The following TERF2 variants were observed in gnomAD, a reference collection of about 807,000 sequenced individuals.
TERF2 encodes telomeric repeat binding factor 2.
A neutral mutation model predicts 56.1 loss-of-function variants in TERF2; 16 were observed. The observed-to-expected ratio is 0.29, with a 90% confidence interval of 0.19 to 0.43. The LOEUF (loss-of-function observed/expected upper bound fraction) is 0.43, where lower values mean the gene tolerates loss of function less well. Ranked by LOEUF, TERF2 falls within the 20% of genes least tolerant of loss-of-function variation. TERF2 has a pLI of 1.00. For missense variants in TERF2, 547 were observed against 712.9 expected (o/e 0.77, Z 2.65); for synonymous variants, 296 against 282.1 (o/e 1.05, Z -0.50).
chr16:69,384,150 A>T (rs1486290548), intron 3 of TERF2, among the ~76,000 whole-genome samples: 2 of 152,204 alleles, frequency 1.3e-5, no homozygotes, highest in Non-Finnish European at 2.9e-5. Context: ...TCTGTTCAAA[A>T]GGGATATTCT....
At chr16:69,361,241 A>G in intron 8 of TERF2, 163 bp downstream of exon 8, 1 of 616,338 alleles carries the variant, frequency 1.6e-6, no homozygotes, top group South Asian at 2.0e-5. Flanking sequence ...GAAAAAGGAA[A>G]AAAAAAAAAA....
intron 5 of TERF2, 191 bp downstream of exon 5, chr16:69,370,292 A>C: frequency 1.4e-6 from 1 of 723,138 alleles, no homozygotes; most frequent in Non-Finnish European, 2.1e-6. Context: ...GGGCCTCCCA[A>C]AGTGCTGGGA....
chr16:69,364,394 G>A (rs1017983832), intron 7 of TERF2, among the ~76,000 whole-genome samples: 7 of 152,138 alleles, frequency 4.6e-5, no homozygotes, highest in Non-Finnish European at 8.8e-5. Context: ...AGATTAAAGG[G>A]CATTCTCCTG....
At chr16:69,376,342 A>G (rs1047858464) in intron 3 of TERF2, among the ~76,000 whole-genome samples, 11 of 152,196 alleles carry the variant, frequency 7.2e-5, no homozygotes, top group African/African-American at 2.2e-4. Flanking sequence ...ATCTTTGTCA[A>G]AAATCAATCA....
rs534282223 is a variant in TERF2 at position 69,367,302 on chromosome 16, G to A, written c.948-103C>T. 76 of 1,283,450 alleles carry A rather than the reference G, an allele frequency of 5.9e-5. 1 individual carries two copies. In the South Asian group the frequency reaches 1.1e-3, roughly 19 times the overall value. 79.5% of individuals were successfully genotyped at this position (1,283,450 alleles called of 1,614,324 possible). On this transcript the variant is annotated intron_variant, in intron 6 of 9. Transcript: ENST00000254942. Reference sequence around the variant, plus strand: ...TTTGAAGCTTCAAATTCCAGTTGAGGAGGCTTTAAATGTGATATGTAAGTT... The same window carrying A: ...TTTGAAGCTTCAAATTCCAGTTGAGAAGGCTTTAAATGTGATATGTAAGTT...
chr16:69,372,280 G>A lies in TERF2; in HGVS notation c.682C>T (p.Pro228Ser). ...TGTATCAAATTTACCTGAGTTGTGGGGTCCTTGGACATATGTTTTTTCAAA... is the reference window on the plus strand; with the variant it reads ...TGTATCAAATTTACCTGAGTTGTGGAGTCCTTGGACATATGTTTTTTCAAA... Reference protein sequence around the residue: ...KILKKHMSKDPTTQKLRNDLL... With the variant: ...KILKKHMSKDSTTQKLRNDLL... The change falls in exon 4 of 10, where the codon CCC becomes TCC. Residue 228 changes from proline (P) to serine (S), a missense_variant. Pro to Ser is a moderately conservative substitution (Grantham distance 74, BLOSUM62 -1). This residue lies in a region of TERF2 where 97 missense variants were observed against 157.0 expected (regional missense o/e 0.62). Coordinates refer to ENST00000254942, the MANE Select transcript of TERF2 (RefSeq NM_005652.5). 1.9e-6 allele frequency: 3 copies of A among 1,606,132 alleles called. No homozygotes were observed. The highest frequency in any genetic ancestry group is 2.5e-6 in the Non-Finnish European group (3 of 1,176,924).
chr16:69,381,085 G>A (rs1464040435), intron 3 of TERF2, among the ~76,000 whole-genome samples: 3 of 152,078 alleles, frequency 2.0e-5, no homozygotes, highest in Non-Finnish European at 4.4e-5. Flanking sequence ...GATTACAGGC[G>A]TGAGCCACCG....
chr16:69,364,785 T>C (rs918505353), intron 7 of TERF2, among the ~76,000 whole-genome samples: 1 of 152,210 alleles, frequency 6.6e-6, no homozygotes, highest in Non-Finnish European at 1.5e-5. Flanking sequence ...GCTCAGCTTT[T>C]CTTCCCATAA....
chr16:69,372,216 A>G (rs374240783), intron 4 of TERF2, 53 bp downstream of exon 4: 8 of 1,339,118 alleles, frequency 6.0e-6, no homozygotes, highest in Non-Finnish European at 8.4e-6. Flanking sequence ...ATTTCCCCAC[A>G]AAAAGCAATG....
intron 3 of TERF2, 74 bp downstream of exon 3, chr16:69,384,506 A>T: frequency 6.6e-7 from 1 of 1,508,018 alleles, no homozygotes; most frequent in Non-Finnish European, 8.9e-7. Context: ...CCCACACAGT[A>T]AAGAGTAAGT....
At chr16:69,369,125 T>TCTGTA (rs758873262) in intron 5 of TERF2, among the ~76,000 whole-genome samples, 1 of 148,382 alleles carries the variant, frequency 6.7e-6, no homozygotes, top group African/African-American at 2.5e-5. Context: ...CTTTGTGTTA[T>TCTGTA]ATAGATAAGG....
rs1410195292 is a variant in TERF2 at position 69,366,830 on chromosome 16, G to A, written c.1317C>T (p.Pro439=). The A allele has an allele frequency of 6.2e-7, 1 of 1,613,118 alleles. No homozygotes were observed. Among genetic ancestry groups the A allele is most frequent in the Non-Finnish European group, 8.5e-7 (1 of 1,179,592 alleles). The change falls in exon 7 of 10, where the codon CCC becomes CCT. Residue 439 remains proline, a synonymous_variant. Transcript: ENST00000254942. The stretch of plus-strand genomic sequence containing the variant: ...ACTTGGGATTCTTCTCTCCAGGGAG[G>A]GGTTGGTTGAGAACGGTGGGCTTGG... ...PPSKPTVLNQ[P]LPGEKNPKVP...
intron 3 of TERF2, among the ~76,000 whole-genome samples, chr16:69,382,487 G>A (rs2014040542): frequency 1.3e-5 from 2 of 152,182 alleles, no homozygotes; most frequent in African/African-American, 4.8e-5. Context: ...CACCTCTTGC[G>A]GAGTCCCATT....
chr16:69,362,415 C>G (rs936323105), intron 7 of TERF2, among the ~76,000 whole-genome samples: 1 of 152,148 alleles, frequency 6.6e-6, no homozygotes, highest in African/African-American at 2.4e-5. Flanking sequence ...AGGACCGCCT[C>G]GAAGGCGGGG....
At chr16:69,367,328 G>C (rs1416655126) in intron 6 of TERF2, 129 bp from the exon 7 acceptor site, 3 of 979,544 alleles carry the variant, frequency 3.1e-6, no homozygotes, top group East Asian at 5.1e-5. Flanking sequence ...TATGTAAGTT[G>C]TATTATGAAT....
chr16:69,375,270 G>C (rs76864186), intron 3 of TERF2, among the ~76,000 whole-genome samples: 3,742 of 152,288 alleles, frequency 0.025, 159 homozygotes, highest in African/African-American at 0.085. Context: ...AAATACCCAA[G>C]AATAGGATTG....
At chr16:69,381,887 T>A (rs192950785) in intron 3 of TERF2, among the ~76,000 whole-genome samples, 73 of 152,328 alleles carry the variant, frequency 4.8e-4, no homozygotes, top group Non-Finnish European at 8.2e-4. Flanking sequence ...ACATTCTTTT[T>A]TAAATTTTTT....
intron 7 of TERF2, among the ~76,000 whole-genome samples, chr16:69,364,046 A>C (rs945143756): frequency 2.0e-5 from 3 of 152,352 alleles, no homozygotes; most frequent in Middle Eastern, 3.4e-3. Flanking sequence ...CATGTGGCCC[A>C]AAATGCCTAA....
chr16:69,356,986 G>A lies in TERF2; in HGVS notation c.1541C>T (p.Ala514Val). ...AACAAATGGGTAATTTTTAGAAATG[G>A]CAGCCCAGTTTCCTTCCCCATATTT... is the stretch of plus-strand genomic sequence containing the variant. ...VQKYGEGNWA[A>V]ISKNYPFVNR... is the part of the protein sequence containing the mutation. The change falls in exon 10 of 10, where the codon GCC (alanine) becomes GTC (valine). Residue 514 changes from alanine (A) to valine (V), a missense_variant. This residue lies in a region of TERF2 where 33 missense variants were observed against 69.9 expected (regional missense o/e 0.47). Coordinates refer to ENST00000254942, the MANE Select transcript of TERF2 (RefSeq NM_005652.5). The A allele has an allele frequency of 7.4e-6, 12 of 1,614,008 alleles. No individual in the cohort carries two copies. Among genetic ancestry groups the A allele is most frequent in the Non-Finnish European group, 9.3e-6 (11 of 1,179,996 alleles).
Sources: allele counts gnomAD v4.1 joint callset (sites outside exome capture counted in the v4.1 genomes callset), GRCh38; gene constraint gnomAD v4.1.1; regional missense constraint gnomAD v4.1.1; transcripts MANE v1.5; gene names NCBI Gene and HGNC (gene_info 2026-07-23, HGNC 2026-07-21).